Variants in SLC6A12 observed in about 807,000 individuals in gnomAD.
SLC6A12 encodes the protein sodium- and chloride-dependent betaine transporter.
Under a neutral mutation model 73.3 loss-of-function variants are expected in SLC6A12, and 50 were observed. The ratio of observed to expected loss-of-function variants is 0.68; its 90% CI spans 0.54 to 0.86. The LOEUF (loss-of-function observed/expected upper bound fraction) is 0.86. Among genes scored for constraint, SLC6A12 ranks in the 40% least tolerant of loss-of-function variants. The pLI, the probability that SLC6A12 is intolerant of heterozygous loss-of-function variation, is 0.00. For synonymous variants in SLC6A12, 304 were observed against 309.2 expected (o/e 0.98, Z 0.18); for missense variants, 648 against 772.8 (o/e 0.84, Z 1.92).
At chr12:186,108 CAG>C (rs10589858), downstream of SLC6A12, among the ~76,000 whole-genome samples, 18,310 of 151,980 alleles carry the variant, frequency 0.12, 2,830 homozygotes, top group African/African-American at 0.36. Context: ...GAGGCTGTGG[CAG>C]AGAGGCAGGA....
intron 4 of SLC6A12, chr12:203,818 G>A (rs1940456273): frequency 6.6e-6 from 1 of 150,608 alleles, no homozygotes; most frequent in Non-Finnish European, 1.5e-5. Flanking sequence ...GCGCGCGGGG[G>A]CGCGCCTCGA....
At position 204,570 on chromosome 12, in the gene SLC6A12, A is replaced by T. The variant is rs1314650419; in HGVS notation, c.343T>A (p.Phe115Ile). The change falls in exon 4 of 16, where the codon TTC (phenylalanine) becomes ATC (isoleucine). Residue 115 changes from phenylalanine (F) to isoleucine (I), a missense_variant. Phe to Ile is a conservative substitution (Grantham distance 21). Transcript: ENST00000684302. ...VTAWRKICPL[F>I]QGIGLASVVI... is the part of the protein sequence containing the mutation. Reference sequence around the variant, plus strand: ...GGTGGGGGAGGATACATACCCTGGAAGAGGGGGCAGATCTTCCTCCAGGCT... The same window carrying T: ...GGTGGGGGAGGATACATACCCTGGATGAGGGGGCAGATCTTCCTCCAGGCT... 4 of 1,614,024 alleles carry T rather than the reference A, an allele frequency of 2.5e-6. No homozygotes were observed. Among genetic ancestry groups the T allele is most frequent in the Non-Finnish European group, 2.5e-6 (3 of 1,180,006 alleles).
chr12:199,622 C>T (rs777568177), intron 7 of SLC6A12: 6 of 152,250 alleles, frequency 3.9e-5, no homozygotes, highest in Non-Finnish European at 7.3e-5. Flanking sequence ...CTATTACCAA[C>T]TTGTTACAAT....
At chr12:200,920 C>G (rs1249626998) in intron 6 of SLC6A12, 137 bp from the exon 7 acceptor site, 1 of 802,428 alleles carries the variant, frequency 1.2e-6, no homozygotes, top group Non-Finnish European at 1.9e-6. Context: ...CCACCTCCCC[C>G]ACAGTCAGGC....
intron 6 of SLC6A12, 38 bp from the exon 7 acceptor site, chr12:200,821 C>G: frequency 6.3e-7 from 1 of 1,598,562 alleles, no homozygotes; most frequent in Non-Finnish European, 8.5e-7. Context: ...AGGGGAAAGG[C>G]TAAAGGGGAC....
At chr12:186,169 G>C (rs1006968652), downstream of SLC6A12, among the ~76,000 whole-genome samples, 64 of 152,178 alleles carry the variant, frequency 4.2e-4, no homozygotes, top group African/African-American at 1.4e-3. Context: ...TCTGAAGAGG[G>C]GCCACGCCTG....
chr12:199,406 C>T (rs1037133744), intron 7 of SLC6A12, among the ~76,000 whole-genome samples: 7 of 152,280 alleles, frequency 4.6e-5, no homozygotes, highest in African/African-American at 1.2e-4. Flanking sequence ...TGCCCCCTGG[C>T]GACCCAGGGG....
chr12:186,225 A>C (rs146465670), downstream of SLC6A12, among the ~76,000 whole-genome samples: 12 of 152,270 alleles, frequency 7.9e-5, no homozygotes, highest in African/African-American at 2.9e-4. Context: ...TGGCCACGAC[A>C]GCACCCACAG....
Position 196,870 on chromosome 12 carries a change from G to T in SLC6A12, c.1088C>A (p.Ala363Asp). 6.2e-7 allele frequency: 1 copy of T among 1,613,496 alleles called. No homozygotes were observed. Among genetic ancestry groups the T allele is most frequent in the Non-Finnish European group, 8.5e-7 (1 of 1,179,644 alleles). ...CACAGCCTTGGGGAAGGCGATGAAG[G>T]CCAGCCCAGGACCTGCCAGGTACAC... ...SEVAESGPGLAFIAFPKAVTM... is the reference protein window; with the variant it reads ...SEVAESGPGLDFIAFPKAVTM... The change falls in exon 11 of 16, where the codon GCC (alanine) becomes GAC (aspartate). Residue 363 changes from alanine (A) to aspartate (D), a missense_variant. Physicochemically the swap from Ala to Asp is moderately radical, Grantham distance 126 (BLOSUM62 -2). Coordinates refer to ENST00000684302, the MANE Select transcript of SLC6A12 (RefSeq NM_001122848.3).
chr12:187,416 A>ATGAG (rs1939449882), downstream of SLC6A12, among the ~76,000 whole-genome samples: 1 of 150,940 alleles, frequency 6.6e-6, no homozygotes, highest in South Asian at 2.1e-4. Context: ...GACCTTCGCG[A>ATGAG]TGAGTGCTAC....
Position 202,784 on chromosome 12 carries a change from G to T in SLC6A12, c.446C>A (p.Thr149Asn), listed in dbSNP as rs955285614. The T allele has an allele frequency of 3.1e-6, 5 of 1,613,984 alleles. No individual in the cohort carries two copies. Among genetic ancestry groups the T allele is most frequent in the African/African-American group, 2.7e-5 (2 of 75,038 alleles). ...GCAGGTCGTCCAGGGCAGCTCAGAAGTGAAGGAGCTGAACAGGTAGAAGAG... is the reference window on the plus strand; with the variant it reads ...GCAGGTCGTCCAGGGCAGCTCAGAATTGAAGGAGCTGAACAGGTAGAAGAG... ...WALFYLFSSFTSELPWTTCNN... is the reference protein window; with the variant it reads ...WALFYLFSSFNSELPWTTCNN... Residue 149 changes from threonine (T) to asparagine (N), a missense_variant, in exon 5 of 16, where the codon ACT (threonine) becomes AAT (asparagine). By Grantham distance (65) the Thr-to-Asn change is moderately conservative. Coordinates refer to ENST00000684302, the MANE Select transcript of SLC6A12 (RefSeq NM_001122848.3).
downstream of SLC6A12, among the ~76,000 whole-genome samples, chr12:189,863 C>T (rs938311855): frequency 6.6e-6 from 1 of 152,130 alleles, no homozygotes; most frequent in African/African-American, 2.4e-5. Flanking sequence ...TCACAGACTC[C>T]GTGCATTCCG....
chr12:197,795 T>G, intron 9 of SLC6A12, 105 bp downstream of exon 9: 1 of 797,958 alleles, frequency 1.3e-6, no homozygotes, highest in Non-Finnish European at 2.1e-6. Flanking sequence ...ATACAACGTA[T>G]AATGAATAAG....
chr12:196,041 G>T, intron 12 of SLC6A12, 83 bp downstream of exon 12: 2 of 1,341,492 alleles, frequency 1.5e-6, no homozygotes, highest in Non-Finnish European at 1.0e-6. Flanking sequence ...GATAAGAAAA[G>T]TGAGGCTCTG....
chr12:208,551 A>G (rs1231085935), intron 3 of SLC6A12, among the ~76,000 whole-genome samples: 1 of 152,166 alleles, frequency 6.6e-6, no homozygotes. Flanking sequence ...CACAAGAAAA[A>G]TAAAAGTGAT....
downstream of SLC6A12, among the ~76,000 whole-genome samples, chr12:186,296 CAT>C (rs1258602710): frequency 1.3e-5 from 2 of 152,186 alleles, no homozygotes; most frequent in Non-Finnish European, 2.9e-5. Flanking sequence ...AGAGAGCCCA[CAT>C]GAGAGGAGCC....
chr12:210,527 G>T (rs375665141), intron 2 of SLC6A12: 7 of 360,382 alleles, frequency 1.9e-5, no homozygotes, highest in Non-Finnish European at 2.7e-5. Context: ...TAAGGTGATC[G>T]ATCAGCTCAG....
In SLC6A12 at chr12:209,425, G is replaced by A. The variant is rs1289962249; in HGVS notation, c.214+348C>T. On this transcript the variant is annotated intron_variant, in intron 3 of 15. Coordinates refer to ENST00000684302, the MANE Select transcript of SLC6A12 (RefSeq NM_001122848.3). ...TGTGTTCTGTTTTGCACCTAGCGCC[G>A]GGTCTGGCACGTGACAGGCCTGCAA... 3.3e-5 allele frequency among the ~76,000 whole-genome samples: 5 copies of A among 152,114 alleles called. No individual in the cohort carries two copies. In the South Asian group the frequency reaches 6.2e-4, roughly 19 times the overall value.
chr12:212,694 T>C (rs1940951670), intron 1 of SLC6A12, among the ~76,000 whole-genome samples: 1 of 152,066 alleles, frequency 6.6e-6, no homozygotes, highest in Admixed American at 6.5e-5. Context: ...TAAGTTAGAC[T>C]CAGGGAAGAA....
Sources: gnomAD v4.1 joint callset for allele counts (sites outside exome capture counted in the v4.1 genomes callset) on GRCh38, gnomAD v4.1.1 for gene constraint, MANE v1.5 for transcripts, NCBI Gene and HGNC (gene_info 2026-07-23, HGNC 2026-07-21) for gene names.